PPARGC1A: variants seen among roughly 807,000 people sequenced by gnomAD.
PPARGC1A encodes the protein peroxisome proliferator-activated receptor gamma coactivator 1-alpha.
In PPARGC1A, 25 loss-of-function variants were observed where a neutral mutation model predicts 88.7. The ratio of observed to expected loss-of-function variants is 0.28; its 90% confidence interval spans 0.21 to 0.39. PPARGC1A has a LOEUF of 0.39. Among genes scored for constraint, PPARGC1A ranks in the 10% least tolerant of loss-of-function variants. PPARGC1A has a pLI of 1.00. For missense variants in PPARGC1A, 880 were observed against 968.7 expected (o/e 0.91, Z 1.22); for synonymous variants, 363 against 355.6 (o/e 1.02, Z -0.24).
chr4:24,446,072 A>C, the PPARGC1A span, among the ~76,000 whole-genome samples: 1 of 152,170 alleles, frequency 6.6e-6, no homozygotes, highest in East Asian at 1.9e-4. Flanking sequence ...TCTCAAAAAA[A>C]TAAAAATAAA....
the PPARGC1A span, among the ~76,000 whole-genome samples, chr4:24,184,368 T>C: frequency 6.6e-6 from 1 of 152,296 alleles, no homozygotes; most frequent in South Asian, 2.1e-4. Context: ...CTTTCCCGCC[T>C]CCCATGGGTC....
At chr4:24,021,032 G>A in the PPARGC1A span, among the ~76,000 whole-genome samples, 3 of 152,184 alleles carry the variant, frequency 2.0e-5, no homozygotes, top group Admixed American at 1.3e-4. Context: ...TCTTGGCAAC[G>A]ACCTGTGTAT....
the PPARGC1A span, among the ~76,000 whole-genome samples, chr4:23,978,544 T>C: frequency 6.6e-6 from 1 of 152,180 alleles, no homozygotes; most frequent in Non-Finnish European, 1.5e-5. Context: ...ACAGATGATA[T>C]ATCCAAGCAT....
the PPARGC1A span, among the ~76,000 whole-genome samples, chr4:24,221,779 A>T: frequency 1.3e-5 from 2 of 148,916 alleles, no homozygotes; most frequent in Non-Finnish European, 3.0e-5. Context: ...CTCAAAAAAT[A>T]AAGTAAAATT....
chr4:23,906,780 G>A (rs1720102323), upstream of PPARGC1A, among the ~76,000 whole-genome samples: 1 of 152,010 alleles, frequency 6.6e-6, no homozygotes, highest in Admixed American at 6.6e-5. Context: ...GCCCCTGCTT[G>A]GAAATGTAGT....
chr4:24,065,014 A>G, the PPARGC1A span, among the ~76,000 whole-genome samples: 2 of 152,228 alleles, frequency 1.3e-5, no homozygotes, highest in African/African-American at 4.8e-5. Context: ...GAATGGGTTC[A>G]GGGACACCTT....
At chr4:23,847,734 T>C (rs1034128131) in intron 2 of PPARGC1A, among the ~76,000 whole-genome samples, 1 of 152,156 alleles carries the variant, frequency 6.6e-6, no homozygotes, top group Non-Finnish European at 1.5e-5. Flanking sequence ...ATCAAGACAG[T>C]TGTCAAATAG....
chr4:24,469,570 A>G, the PPARGC1A span, among the ~76,000 whole-genome samples: 1 of 152,132 alleles, frequency 6.6e-6, no homozygotes, highest in Non-Finnish European at 1.5e-5. Flanking sequence ...TCTCCCCACC[A>G]TACAATTTCA....
the PPARGC1A span, among the ~76,000 whole-genome samples, chr4:24,329,540 G>A: frequency 1.1e-3 from 172 of 151,974 alleles, no homozygotes; most frequent in African/African-American, 3.8e-3. Context: ...CTCCCCCTGG[G>A]GCTCTTCCTC....
the PPARGC1A span, among the ~76,000 whole-genome samples, chr4:24,265,575 G>A: frequency 6.6e-6 from 1 of 152,062 alleles, no homozygotes; most frequent in Non-Finnish European, 1.5e-5. Flanking sequence ...ACAGAAAATC[G>A]ATGCCGGGGG....
the PPARGC1A span, among the ~76,000 whole-genome samples, chr4:24,018,595 A>C: frequency 4.6e-5 from 7 of 152,026 alleles, no homozygotes; most frequent in South Asian, 1.5e-3. Context: ...GTCTTCTAAT[A>C]AAAAAAATAT....
chr4:24,207,209 A>G, the PPARGC1A span, among the ~76,000 whole-genome samples: 385 of 152,284 alleles, frequency 2.5e-3, 2 homozygotes, highest in African/African-American at 8.6e-3. Context: ...AGGTTACTCA[A>G]TGGAGTTGAA....
intron 10 of PPARGC1A, among the ~76,000 whole-genome samples, chr4:23,807,080 C>A (rs1409788247): frequency 6.6e-6 from 1 of 152,056 alleles, no homozygotes; most frequent in African/African-American, 2.4e-5. Flanking sequence ...TCAACTTTGG[C>A]AGTGAAATAC....
At chr4:23,806,710 A>C (rs1454352645) in intron 10 of PPARGC1A, among the ~76,000 whole-genome samples, 2 of 152,222 alleles carry the variant, frequency 1.3e-5, no homozygotes, top group Non-Finnish European at 2.9e-5. Flanking sequence ...GGGGATAAAT[A>C]AAGAAACAAG....
chr4:24,285,135 T>G, the PPARGC1A span, among the ~76,000 whole-genome samples: 1 of 152,192 alleles, frequency 6.6e-6, no homozygotes, highest in African/African-American at 2.4e-5. Context: ...AACTTTGCAT[T>G]GATAAAGTTA....
chr4:24,027,580 G>A, the PPARGC1A span, among the ~76,000 whole-genome samples: 4 of 152,032 alleles, frequency 2.6e-5, no homozygotes, highest in Admixed American at 1.3e-4. Flanking sequence ...GTTTACCCTG[G>A]GCTCAACCTG....
chr4:24,442,665 T>C, the PPARGC1A span, among the ~76,000 whole-genome samples: 8 of 152,234 alleles, frequency 5.3e-5, no homozygotes, highest in African/African-American at 1.9e-4. Context: ...ATCTGCCACA[T>C]ACATTTATTT....
chr4:23,883,607 C>T (rs1341720968), intron 2 of PPARGC1A: 1 of 152,212 alleles, frequency 6.6e-6, no homozygotes, highest in East Asian at 1.9e-4. Context: ...GGAATGATAA[C>T]AATAGGACCT....
At chr4:24,007,206 CTG>C in the PPARGC1A span, among the ~76,000 whole-genome samples, 4 of 152,122 alleles carry the variant, frequency 2.6e-5, no homozygotes, top group African/African-American at 4.8e-5. Flanking sequence ...AGAAAATGAA[CTG>C]CCCATCTCGC....
Sources: allele counts gnomAD v4.1 joint callset (sites outside exome capture counted in the v4.1 genomes callset), GRCh38; gene constraint gnomAD v4.1.1; transcripts MANE v1.5; gene names NCBI Gene and HGNC (gene_info 2026-07-23, HGNC 2026-07-21).